Variants in TTC23 observed in about 807,000 individuals in gnomAD.
TTC23 encodes the protein tetratricopeptide repeat protein 23.
TTC23 carries 58 observed loss-of-function variants against 55.1 expected under a neutral mutation model. The observed-to-expected ratio is 1.05, with a 90% CI of 0.85 to 1.31. The LOEUF (loss-of-function observed/expected upper bound fraction) is 1.31, where lower values mean the gene tolerates loss of function less well. TTC23 is among the 50% of genes most tolerant of loss of function. The probability of loss-of-function intolerance (pLI) is 0.00; values close to 1 mark genes in which losing one functional copy is unlikely to be tolerated. For missense variants in TTC23, 516 were observed against 534.4 expected (o/e 0.97, Z 0.34); for synonymous variants, 203 against 199.9 (o/e 1.02, Z -0.13).
chr15:99,176,270 A>G (rs922791814), intron 9 of TTC23, among the ~76,000 whole-genome samples: 1 of 152,228 alleles, frequency 6.6e-6, no homozygotes, highest in Non-Finnish European at 1.5e-5. Context: ...GTGAGTCAGT[A>G]GGTAGGTAGT....
intron 12 of TTC23, among the ~76,000 whole-genome samples, chr15:99,150,378 A>G (rs1477834909): frequency 2.6e-5 from 4 of 152,164 alleles, no homozygotes; most frequent in Non-Finnish European, 4.4e-5. Flanking sequence ...ATTCCCTCCA[A>G]GCTCCCAGCT....
At chr15:99,192,166 C>CA (rs1342431579) in intron 9 of TTC23, among the ~76,000 whole-genome samples, 1 of 152,098 alleles carries the variant, frequency 6.6e-6, no homozygotes, top group East Asian at 1.9e-4. Flanking sequence ...GCAAAGACAG[C>CA]AAAAATGTTT....
intron 9 of TTC23, among the ~76,000 whole-genome samples, chr15:99,188,995 C>T (rs2074992979): frequency 6.6e-6 from 1 of 152,038 alleles, no homozygotes. Flanking sequence ...ACCTAGTGGT[C>T]CCATGCCTAG....
chr15:99,208,485 A>AT (rs1156553799), intron 8 of TTC23, among the ~76,000 whole-genome samples: 2 of 152,140 alleles, frequency 1.3e-5, no homozygotes, highest in Non-Finnish European at 2.9e-5. Context: ...TACTACATAT[A>AT]TATGTGTCTA....
intron 1 of TTC23, among the ~76,000 whole-genome samples, chr15:99,246,353 C>G (rs142057766): frequency 2.0e-5 from 3 of 152,108 alleles, no homozygotes; most frequent in African/African-American, 7.2e-5. Flanking sequence ...TGGTGGCTCA[C>G]GCCTGTAATC....
chr15:99,203,374 G>A (rs770770295), intron 8 of TTC23, among the ~76,000 whole-genome samples: 2 of 151,864 alleles, frequency 1.3e-5, no homozygotes, highest in East Asian at 3.8e-4. Context: ...TATGTATGGG[G>A]TGCATGTAAA....
intron 5 of TTC23, among the ~76,000 whole-genome samples, chr15:99,227,244 C>A (rs775924222): frequency 6.6e-6 from 1 of 152,178 alleles, no homozygotes; most frequent in Admixed American, 6.5e-5. Flanking sequence ...CTCCAATCAC[C>A]CAAGCAGACT....
chr15:99,179,411 G>A lies in TTC23; in HGVS notation c.760-4256C>T, dbSNP rs375254160. ...CTTCTTGTCCAGCTTAATGGGCACC[G>A]CCCATTGCCTGTGTTGAAAATGCCC... On this transcript the variant is annotated intron_variant, in intron 9 of 13. Transcript: ENST00000394132. Among the ~76,000 whole-genome samples, 17 of 152,262 alleles carry A rather than the reference G, an allele frequency of 1.1e-4. 1 individual carries two copies. In the East Asian group the frequency reaches 2.1e-3, roughly 19 times the overall value.
intron 9 of TTC23, among the ~76,000 whole-genome samples, chr15:99,192,713 C>T (rs1295403794): frequency 6.6e-6 from 1 of 152,168 alleles, no homozygotes; most frequent in African/African-American, 2.4e-5. Context: ...ACACAGGGTC[C>T]CTACTGGGAC....
chr15:99,189,343 C>G (rs892734038), intron 9 of TTC23, among the ~76,000 whole-genome samples: 1 of 152,124 alleles, frequency 6.6e-6, no homozygotes, highest in Non-Finnish European at 1.5e-5. Context: ...TTACAACCAT[C>G]ACAGTTATGA....
intron 9 of TTC23, among the ~76,000 whole-genome samples, chr15:99,190,094 T>C (rs1380721124): frequency 2.0e-5 from 3 of 151,932 alleles, no homozygotes; most frequent in African/African-American, 7.3e-5. Context: ...AGCAGGAGGA[T>C]TGCTTGACCT....
chr15:99,218,161 G>A (rs1190714391), intron 8 of TTC23, among the ~76,000 whole-genome samples: 2 of 152,198 alleles, frequency 1.3e-5, no homozygotes, highest in African/African-American at 4.8e-5. Context: ...GAGGAACAAA[G>A]AACAATCCTT....
intron 10 of TTC23, among the ~76,000 whole-genome samples, chr15:99,170,241 C>A (rs182519104): frequency 6.6e-6 from 1 of 152,212 alleles, no homozygotes; most frequent in African/African-American, 2.4e-5. Context: ...AGGGAAGGCA[C>A]AGAGCAAAGG....
intron 12 of TTC23, among the ~76,000 whole-genome samples, chr15:99,142,707 C>T (rs1239494647): frequency 2.0e-5 from 3 of 152,152 alleles, no homozygotes; most frequent in African/African-American, 4.8e-5. Flanking sequence ...TGAATATGCA[C>T]GAATCCCCGG....
At chr15:99,175,735 C>T (rs181314037) in intron 9 of TTC23, among the ~76,000 whole-genome samples, 34 of 152,354 alleles carry the variant, frequency 2.2e-4, no homozygotes, top group Admixed American at 1.2e-3. Context: ...TGGCTCATGT[C>T]TGTAATCCCA....
At chr15:99,230,916 T>C (rs187637188) in intron 4 of TTC23, among the ~76,000 whole-genome samples, 2 of 152,284 alleles carry the variant, frequency 1.3e-5, no homozygotes, top group East Asian at 3.9e-4. Flanking sequence ...ACCTTGGAAA[T>C]GGTACGTACA....
chr15:99,145,012 T>C (rs942273306), intron 12 of TTC23: 1 of 152,268 alleles, frequency 6.6e-6, no homozygotes, highest in Non-Finnish European at 1.5e-5. Context: ...ACAAGTACGC[T>C]TTCATTTACC....
chr15:99,166,102 C>T (rs958694062), intron 10 of TTC23, among the ~76,000 whole-genome samples: 1 of 152,264 alleles, frequency 6.6e-6, no homozygotes, highest in Non-Finnish European at 1.5e-5. Context: ...TTTCAGACTC[C>T]GGGCTTTGGC....
chr15:99,150,367 CATTCCCT>C (rs2069543393), intron 12 of TTC23, among the ~76,000 whole-genome samples: 6 of 152,194 alleles, frequency 3.9e-5, no homozygotes, highest in Non-Finnish European at 8.8e-5. Context: ...TGCTTATTAG[CATTCCCT>C]CCAAGCTCCC....
Sources: gnomAD v4.1 joint callset for allele counts (sites outside exome capture counted in the v4.1 genomes callset) on GRCh38, gnomAD v4.1.1 for gene constraint, MANE v1.5 for transcripts, NCBI Gene and HGNC (gene_info 2026-07-23, HGNC 2026-07-21) for gene names.